SYT2: variants seen among roughly 807,000 people sequenced by gnomAD.
SYT2 encodes the protein synaptotagmin-2.
SYT2 carries 15 observed loss-of-function variants against 39.9 expected under a neutral mutation model. That is an observed-to-expected ratio of 0.38 (90% confidence interval 0.25 to 0.58). The LOEUF (loss-of-function observed/expected upper bound fraction) is 0.58, where lower values mean the gene tolerates loss of function less well. Ranked by LOEUF, SYT2 falls within the 20% of genes least tolerant of loss-of-function variation. The pLI is 0.70. For synonymous variants in SYT2, 181 were observed against 204.5 expected, an observed-to-expected ratio of 0.89 and a Z score of 0.98; for missense variants, 389 against 530.3, an observed-to-expected ratio of 0.73 and a Z score of 2.62.
At chr1:202,648,936 AG>A (rs1284617366) in intron 1 of SYT2, among the ~76,000 whole-genome samples, 1 of 152,262 alleles carries the variant, frequency 6.6e-6, no homozygotes, top group Non-Finnish European at 1.5e-5. Context: ...GGCTGTGTGT[AG>A]AATGAAAGAG....
chr1:202,647,860 G>A (rs1692118764), intron 1 of SYT2, among the ~76,000 whole-genome samples: 1 of 151,906 alleles, frequency 6.6e-6, no homozygotes, highest in Non-Finnish European at 1.5e-5. Context: ...ACTGAGCCAT[G>A]GGAGCAGCAG....
chr1:202,658,592 C>T (rs978111298), intron 1 of SYT2, among the ~76,000 whole-genome samples: 2 of 151,842 alleles, frequency 1.3e-5, no homozygotes, highest in African/African-American at 2.4e-5. Context: ...GTACGTGTGG[C>T]GTGTGTGTGC....
At chr1:202,669,467 TGGTAAAACCCCATCTCTACTAAA>T (rs1692541726) in intron 1 of SYT2, among the ~76,000 whole-genome samples, 1 of 151,860 alleles carries the variant, frequency 6.6e-6, no homozygotes, top group African/African-American at 2.4e-5. Flanking sequence ...CTGGCCAAGA[TGGTAAAACCCCATCTCTACTAAA>T]AATACAAGCA....
At chr1:202,637,809 T>G (rs1171158499) in intron 1 of SYT2, among the ~76,000 whole-genome samples, 1 of 152,214 alleles carries the variant, frequency 6.6e-6, no homozygotes, top group Non-Finnish European at 1.5e-5. Context: ...GGCTTTCTGG[T>G]CTCCAAGGAC....
rs372443570 is a variant in SYT2 at position 202,674,913 on chromosome 1, A to G, written c.-18+35345T>C. On this transcript the variant is annotated intron_variant, in intron 1 of 8. Transcript: ENST00000367268. The stretch of plus-strand genomic sequence containing the variant: ...GCACCACCCCAATAATCTCAATGTC[A>G]TGATCTCAGCCTGCTTCGCCTCCTT... 2.5e-4 allele frequency among the ~76,000 whole-genome samples: 12 copies of G among 47,134 alleles called. No homozygotes were observed. The East Asian group carries it at 0.021, about 83-fold the overall frequency. The allele number at this position is 47,134 out of a possible 152,430, so 30.9% of individuals were successfully genotyped here.
At chr1:202,648,445 G>C (rs10920438) in intron 1 of SYT2, among the ~76,000 whole-genome samples, 58,024 of 151,792 alleles carry the variant, frequency 0.38, 12,467 homozygotes, top group East Asian at 0.74. Context: ...GCCTTTCAAA[G>C]TGCTGGGATT....
At chr1:202,606,200 G>C (rs1212115176) in intron 1 of SYT2, among the ~76,000 whole-genome samples, 1 of 152,076 alleles carries the variant, frequency 6.6e-6, no homozygotes, top group Non-Finnish European at 1.5e-5. Flanking sequence ...GGTTTTTATT[G>C]GTTCCATTTA....
chr1:202,696,215 A>C (rs1369288178), intron 1 of SYT2, among the ~76,000 whole-genome samples: 1 of 152,108 alleles, frequency 6.6e-6, no homozygotes, highest in Non-Finnish European at 1.5e-5. Context: ...TTACAACCCA[A>C]ATCGTGCCTC....
chr1:202,604,650 A>G, intron 2 of SYT2, 29 bp from the exon 3 acceptor site: 1 of 1,608,028 alleles, frequency 6.2e-7, no homozygotes, highest in Non-Finnish European at 8.5e-7. Context: ...TCCCAGGGTC[A>G]GCAGTGCCAT....
intron 1 of SYT2, among the ~76,000 whole-genome samples, chr1:202,699,008 G>GTTTT (rs1441241897): frequency 9.5e-6 from 1 of 105,200 alleles, no homozygotes; most frequent in East Asian, 3.4e-4. Context: ...TAACCAAACT[G>GTTTT]TCTTTTTTTT....
intron 1 of SYT2, among the ~76,000 whole-genome samples, chr1:202,641,166 G>T (rs1249265934): frequency 6.6e-6 from 1 of 152,216 alleles, no homozygotes; most frequent in Non-Finnish European, 1.5e-5. Flanking sequence ...AACCAGTAGA[G>T]CCAAGGTCTC....
chr1:202,635,064 A>G (rs1691704817), intron 1 of SYT2, among the ~76,000 whole-genome samples: 1 of 152,242 alleles, frequency 6.6e-6, no homozygotes, highest in South Asian at 2.1e-4. Flanking sequence ...CTGTTTTCAA[A>G]AAGTAAATAT....
chr1:202,626,768 G>T (rs199751872), intron 1 of SYT2, among the ~76,000 whole-genome samples: 1 of 152,108 alleles, frequency 6.6e-6, no homozygotes, highest in Non-Finnish European at 1.5e-5. Flanking sequence ...ATGAGAGAAC[G>T]TGGGCTTTAG....
intron 1 of SYT2, among the ~76,000 whole-genome samples, chr1:202,607,881 CT>C (rs34654342): frequency 0.12 from 17,794 of 150,534 alleles, 1,798 homozygotes; most frequent in African/African-American, 0.28. Context: ...GCTCTGTGAC[CT>C]TTTTTTTTTA....
Position 202,602,980 on chromosome 1 carries a change from C to A in SYT2, c.465+19G>T. On this transcript the variant is annotated intron_variant, in intron 4 of 8. Transcript: ENST00000367268. ...CCTCTCCCCATTCCCCCACTCTGCC[C>A]CCCCACAGCCCTGCATACCTGATTA... 1 of 1,465,448 alleles carries A rather than the reference C, an allele frequency of 6.8e-7. No homozygotes were observed. Among genetic ancestry groups the A allele is most frequent in the East Asian group, 2.5e-5 (1 of 39,766 alleles). The allele number at this position is 1,465,448 out of a possible 1,614,324, so 90.8% of individuals were successfully genotyped here.
At chr1:202,686,699 T>C (rs920680770) in intron 1 of SYT2, among the ~76,000 whole-genome samples, 1 of 152,148 alleles carries the variant, frequency 6.6e-6, no homozygotes, top group African/African-American at 2.4e-5. Context: ...TCCTACGTCA[T>C]TGTCCCAAAC....
At chr1:202,669,223 T>C (rs538378378) in intron 1 of SYT2, among the ~76,000 whole-genome samples, 25 of 152,338 alleles carry the variant, frequency 1.6e-4, no homozygotes, top group Middle Eastern at 6.8e-3. Context: ...TACTAATGTT[T>C]AATTTTTATC....
chr1:202,648,601 T>C (rs1233543611), intron 1 of SYT2, among the ~76,000 whole-genome samples: 3 of 152,172 alleles, frequency 2.0e-5, no homozygotes, highest in Non-Finnish European at 4.4e-5. Context: ...GGGTTGCAGC[T>C]GAGACTGAGA....
chr1:202,654,358 G>A (rs997245715), intron 1 of SYT2, among the ~76,000 whole-genome samples: 1 of 152,192 alleles, frequency 6.6e-6, no homozygotes, highest in African/African-American at 2.4e-5. Context: ...CTGAGCCTGT[G>A]ATAGCTGCTT....
Sources: allele counts gnomAD v4.1 joint callset (sites outside exome capture counted in the v4.1 genomes callset), GRCh38; gene constraint gnomAD v4.1.1; transcripts MANE v1.5; gene names NCBI Gene and HGNC (gene_info 2026-07-23, HGNC 2026-07-21).